Variants in SCUBE2 observed in about 807,000 individuals in gnomAD.
SCUBE2 encodes signal peptide, CUB and EGF-like domain-containing protein 2.
Under a neutral mutation model 125.9 loss-of-function variants are expected in SCUBE2, and 114 were observed. The ratio of observed to expected loss-of-function variants is 0.91; its 90% CI spans 0.78 to 1.06. The LOEUF is 1.06. SCUBE2 is among the 50% of genes least tolerant of loss of function. SCUBE2 has a pLI of 0.00. For missense variants in SCUBE2, 1,255 were observed against 1,301.8 expected (o/e 0.96, Z 0.55); for synonymous variants, 459 against 492.9 (o/e 0.93, Z 0.91).
chr11:9,085,361 C>T (rs1359456524), intron 2 of SCUBE2, among the ~76,000 whole-genome samples: 1 of 152,172 alleles, frequency 6.6e-6, no homozygotes, highest in Non-Finnish European at 1.5e-5. Flanking sequence ...TATATATACA[C>T]AGATGAACTC....
In SCUBE2 at chr11:9,033,664, A is replaced by C; in HGVS notation, c.2135T>G (p.Leu712Arg). The change falls in exon 17 of 23, where the codon CTG becomes CGG. Residue 712 changes from leucine (L) to arginine (R), a missense_variant. Leu to Arg is a moderately radical substitution (Grantham distance 102, BLOSUM62 -2). Around this residue, in one of 3 missense-constraint regions of SCUBE2, gnomAD observed 515 missense variants for 515.7 expected, o/e 1.00. Coordinates refer to ENST00000649792, the MANE Select transcript of SCUBE2 (RefSeq NM_001367977.2). ...CATATTCCAAGCTTCTGGGGTCTTC[A>C]GGGCCCCAGAATTTCCTGGTCTTGG... ...PCPRPGNSGALKTPEAWNMSE... is the reference protein window; with the variant it reads ...PCPRPGNSGARKTPEAWNMSE... The C allele has an allele frequency of 6.2e-7, 1 of 1,614,142 alleles. No individual in the cohort carries two copies. Among genetic ancestry groups the C allele is most frequent in the Non-Finnish European group, 8.5e-7 (1 of 1,180,042 alleles).
intron 4 of SCUBE2, 106 bp downstream of exon 4, chr11:9,074,375 C>G (rs1274875942): frequency 2.8e-6 from 4 of 1,431,326 alleles, no homozygotes; most frequent in East Asian, 2.4e-5. Flanking sequence ...GGCCTCCAGA[C>G]TTTCTATACC....
chr11:9,021,301 CT>C, intron 22 of SCUBE2, 104 bp from the exon 23 acceptor site: 1 of 889,856 alleles, frequency 1.1e-6, no homozygotes, highest in Non-Finnish European at 1.6e-6. Context: ...GCTTGCTTAG[CT>C]GAAAAACACT....
intron 8 of SCUBE2, chr11:9,059,840 G>C (rs1266851470): frequency 6.1e-6 from 1 of 163,602 alleles, no homozygotes; most frequent in East Asian, 1.8e-4. Context: ...TGATCAAATA[G>C]CCTCAATGTT....
Position 9,053,679 on chromosome 11 carries a change from G to A in SCUBE2, c.1288C>T (p.His430Tyr), listed in dbSNP as rs563347033. 2.5e-6 allele frequency: 4 copies of A among 1,614,038 alleles called. No homozygotes were observed. Among genetic ancestry groups the A allele is most frequent in the Non-Finnish European group, 3.4e-6 (4 of 1,180,020 alleles). The change falls in exon 11 of 23, where the codon CAC (histidine) becomes TAC (tyrosine). Residue 430 changes from histidine (H) to tyrosine (Y), a missense_variant. Around this residue, in one of 3 missense-constraint regions of SCUBE2, gnomAD observed 378 missense variants for 463.1 expected, o/e 0.82. Coordinates refer to ENST00000649792, the MANE Select transcript of SCUBE2 (RefSeq NM_001367977.2). Reference protein sequence around the residue: ...NTVGSYECQCHPGYKLHWNKK... With the variant: ...NTVGSYECQCYPGYKLHWNKK... ...TTCCAGTGGAGCTTGTACCCAGGGT[G>A]GCACTGGCATTCATAGCTGCCCACT...
At position 9,047,669 on chromosome 11, in the gene SCUBE2, C is replaced by T. The variant is rs559445107; in HGVS notation, c.1796-107G>A. On this transcript the variant is annotated intron_variant, in intron 15 of 22. Coordinates refer to ENST00000649792, the MANE Select transcript of SCUBE2 (RefSeq NM_001367977.2). ...CCAACACCCCGAGCTCCCTGTGGAC[C>T]GAATGGGGAGAAACCTGGAGGGGGC... 1.7e-4 allele frequency: 201 copies of T among 1,187,038 alleles called. 7 individuals carry two copies. In the South Asian group the frequency reaches 1.7e-3, roughly 10 times the overall value. The allele number at this position is 1,187,038 out of a possible 1,614,324, so 73.5% of individuals were successfully genotyped here. A position where few individuals can be genotyped will look rare whatever the true frequency, so the allele number is the denominator to read the frequency against.
rs760445612 is a variant in SCUBE2 at position 9,069,495 on chromosome 11, T to A, written c.518A>T (p.Glu173Val). ...ATCCTTATTCATGCAGCTCAGGCCC[T>A]CTGAAAAACAGCAGTGTGCGACAGG... ...NQHTCIHRSEEGLSCMNKDHG... is the reference protein window; with the variant it reads ...NQHTCIHRSEVGLSCMNKDHG... The change falls in exon 5 of 23, where the codon GAG (glutamate) becomes GTG (valine). Residue 173 changes from glutamate (E) to valine (V), a missense_variant and splice_region_variant. Transcript: ENST00000649792. The A allele has an allele frequency of 2.5e-6, 4 of 1,614,110 alleles. No individual in the cohort carries two copies. The highest frequency in any genetic ancestry group is 3.4e-6 in the Non-Finnish European group (4 of 1,179,960).
At chr11:9,054,977 G>A (rs780179949) in intron 10 of SCUBE2, among the ~76,000 whole-genome samples, 3 of 151,214 alleles carry the variant, frequency 2.0e-5, no homozygotes, top group African/African-American at 7.3e-5. Flanking sequence ...CAGGTGATCC[G>A]CCCGCCTTGG....
At position 9,066,928 on chromosome 11, in the gene SCUBE2, T is replaced by C. The variant is rs1860298406; in HGVS notation, c.644-115A>G. The C allele has an allele frequency of 7.4e-6, 6 of 805,462 alleles. No individual in the cohort carries two copies. In the East Asian group the frequency reaches 1.3e-4, roughly 17 times the overall value. 49.9% of individuals were successfully genotyped at this position (805,462 alleles called of 1,614,324 possible). A position where few individuals can be genotyped will look rare whatever the true frequency, so the allele number is the denominator to read the frequency against. ...TGCAAGTATTTGAGCACCTAGTGCATGCCAGGCATGGTGCACGAAAGACAT... is the reference window on the plus strand; with the variant it reads ...TGCAAGTATTTGAGCACCTAGTGCACGCCAGGCATGGTGCACGAAAGACAT... On this transcript the variant is annotated intron_variant, in intron 5 of 22. Transcript: ENST00000649792.
rs987220652 is a variant in SCUBE2 at position 9,091,042 on chromosome 11, G to A, written c.133+354C>T. ...CCGCCTCGCGGATGTGCCCGGCCCG[G>A]CCCTCAGTTTCCCCGCCTACGCTGA... On this transcript the variant is annotated intron_variant, in intron 1 of 22. Transcript: ENST00000649792. This position sits in a 1 kb window ranked among gnomAD's most constrained non-coding sequence, Gnocchi z 8.5. Among the ~76,000 whole-genome samples the A allele has an allele frequency of 6.6e-6, 1 of 152,188 alleles. No homozygotes were observed. Among genetic ancestry groups the A allele is most frequent in the Non-Finnish European group, 1.5e-5 (1 of 68,024 alleles).
rs751409164 is a variant in SCUBE2, at chr11:9,074,585, C to A, written c.413G>T (p.Gly138Val). Residue 138 changes from glycine (G) to valine (V), a missense_variant, in exon 4 of 23, where the codon GGC becomes GTC. This residue lies in a region of SCUBE2 where 362 missense variants were observed against 323.0 expected (regional missense o/e 1.12). Transcript: ENST00000649792. ...DVDECLENNG[G>V]CQHTCVNVMG... is the part of the protein sequence containing the mutation. ...GACGTTGACACAGGTATGCTGGCAGCCGCCATTGTTCTCCAGGCACTCGTC... is the reference window on the plus strand; with the variant it reads ...GACGTTGACACAGGTATGCTGGCAGACGCCATTGTTCTCCAGGCACTCGTC... 6.2e-7 allele frequency: 1 copy of A among 1,614,096 alleles called. No homozygotes were observed. Among genetic ancestry groups the A allele is most frequent in the Non-Finnish European group, 8.5e-7 (1 of 1,180,036 alleles).
intron 4 of SCUBE2, among the ~76,000 whole-genome samples, chr11:9,071,964 A>G (rs1192324624): frequency 6.6e-6 from 1 of 152,174 alleles, no homozygotes; most frequent in Non-Finnish European, 1.5e-5. Context: ...CCCTCATTAT[A>G]TGGGTGAAAA....
intron 4 of SCUBE2, among the ~76,000 whole-genome samples, chr11:9,072,860 T>C (rs1860918328): frequency 6.6e-6 from 1 of 152,242 alleles, no homozygotes; most frequent in Non-Finnish European, 1.5e-5. Context: ...AGAAAGGAAC[T>C]GCATTTGTAT....
At chr11:9,081,790 C>A in intron 2 of SCUBE2, among the ~76,000 whole-genome samples, 1 of 152,232 alleles carries the variant, frequency 6.6e-6, no homozygotes, top group East Asian at 1.9e-4. Flanking sequence ...ATGCTACGAG[C>A]ATGGGCATAC....
chr11:9,066,701 G>C lies in SCUBE2; in HGVS notation c.756C>G (p.Cys252Trp), dbSNP rs1467195810. ...AGTGTTGGGGTTGCCACTCACCAAGGCAGCTCCTCCCATCTGTGTGCATCT... is the reference window on the plus strand; with the variant it reads ...AGTGTTGGGGTTGCCACTCACCAAGCCAGCTCCTCCCATCTGTGTGCATCT... ...QYKMHTDGRS[C>W]LEREDTVLEV... The change falls in exon 6 of 23, where the codon TGC becomes TGG. Residue 252 changes from cysteine to tryptophan, a missense_variant. By Grantham distance (215) the Cys-to-Trp change is radical (BLOSUM62 -2). Around this residue, in one of 3 missense-constraint regions of SCUBE2, gnomAD observed 378 missense variants for 463.1 expected, o/e 0.82. Transcript: ENST00000649792. 1 of 1,613,754 alleles carries C rather than the reference G, an allele frequency of 6.2e-7. No individual in the cohort carries two copies. The highest frequency in any genetic ancestry group is 2.2e-5 in the East Asian group (1 of 44,882).
chr11:9,058,971 G>C (rs1468502320), intron 9 of SCUBE2, among the ~76,000 whole-genome samples: 1 of 152,110 alleles, frequency 6.6e-6, no homozygotes, highest in Non-Finnish European at 1.5e-5. Flanking sequence ...TTTTAGAAAA[G>C]GAAAATTATT....
chr11:9,053,156 T>C lies in SCUBE2; in HGVS notation c.1390A>G (p.Ser464Gly). 1 of 1,614,142 alleles carries C rather than the reference T, an allele frequency of 6.2e-7. No individual in the cohort carries two copies. Among genetic ancestry groups the C allele is most frequent in the Non-Finnish European group, 8.5e-7 (1 of 1,180,012 alleles). The change falls in exon 12 of 23, where the codon AGT (serine) becomes GGT (glycine). Residue 464 changes from serine to glycine, a missense_variant. Ser to Gly is a moderately conservative substitution (Grantham distance 56). This residue lies in a region of SCUBE2 where 378 missense variants were observed against 463.1 expected (regional missense o/e 0.82). Transcript: ENST00000649792. ...SPRVSLHCGK[S>G]GGGDGCFLRC... Reference sequence around the variant, plus strand: ...AGGAAGCACCCGTCTCCTCCACCACTCTTACCGCAGTGCAGGGACACACGG... The same window carrying C: ...AGGAAGCACCCGTCTCCTCCACCACCCTTACCGCAGTGCAGGGACACACGG...
intron 22 of SCUBE2, 66 bp downstream of exon 22, chr11:9,021,810 C>T: frequency 8.3e-7 from 1 of 1,203,984 alleles, no homozygotes; most frequent in African/African-American, 1.5e-5. Flanking sequence ...GGAGGAGAAG[C>T]CTTCTCCAAC....
intron 2 of SCUBE2, among the ~76,000 whole-genome samples, chr11:9,084,868 G>T (rs1861930231): frequency 6.6e-6 from 1 of 152,130 alleles, no homozygotes; most frequent in Non-Finnish European, 1.5e-5. Context: ...CTCCTGAGTA[G>T]CAGGGACTAC....
Sources: gnomAD v4.1 joint callset for allele counts (sites outside exome capture counted in the v4.1 genomes callset) on GRCh38, gnomAD v4.1.1 for gene constraint, gnomAD v4.1.1 regional missense constraint, Gnocchi (gnomAD v3.1) non-coding constraint, MANE v1.5 for transcripts, NCBI Gene and HGNC (gene_info 2026-07-23, HGNC 2026-07-21) for gene names.